Variants in ABI3BP observed in about 807,000 individuals in gnomAD.
The protein encoded by ABI3BP is ABI family member 3 binding protein.
Under a neutral mutation model 268.6 loss-of-function variants are expected in ABI3BP, and 216 were observed. The observed-to-expected ratio is 0.80, with a 90% CI of 0.72 to 0.90. The LOEUF is 0.90. ABI3BP is among the 40% of genes least tolerant of loss of function. ABI3BP has a pLI of 0.00. For missense variants in ABI3BP, 2,090 were observed against 2,182.4 expected (o/e 0.96, Z 0.84); for synonymous variants, 730 against 730.0 (o/e 1.00, Z 0.00).
intron 1 of ABI3BP, among the ~76,000 whole-genome samples, chr3:100,963,843 T>G (rs1367470697): frequency 6.6e-6 from 1 of 152,208 alleles, no homozygotes; most frequent in East Asian, 1.9e-4. Context: ...TAACCAGCCC[T>G]GAAAGTCCTC....
chr3:100,875,262 G>A (rs1022229121), intron 8 of ABI3BP, among the ~76,000 whole-genome samples: 1 of 152,184 alleles, frequency 6.6e-6, no homozygotes. Context: ...CTGTGGGGCA[G>A]GTAGGACAGG....
chr3:100,916,611 A>T (rs893663048), intron 2 of ABI3BP, among the ~76,000 whole-genome samples: 2 of 152,188 alleles, frequency 1.3e-5, no homozygotes, highest in African/African-American at 4.8e-5. Context: ...ACCCATTTCC[A>T]TAAAGCCCTT....
At chr3:100,888,255 T>C (rs1159198432) in intron 4 of ABI3BP, among the ~76,000 whole-genome samples, 3 of 152,108 alleles carry the variant, frequency 2.0e-5, no homozygotes, top group Admixed American at 1.3e-4. Flanking sequence ...TGTTATATTA[T>C]TGAATTGTAA....
intron 58 of ABI3BP, among the ~76,000 whole-genome samples, chr3:100,779,243 G>A (rs2096797290): frequency 6.6e-6 from 1 of 152,208 alleles, no homozygotes; most frequent in African/African-American, 2.4e-5. Flanking sequence ...ACTGTGAACA[G>A]TTGTGGTAGT....
intron 31 of ABI3BP, among the ~76,000 whole-genome samples, chr3:100,831,850 C>T (rs776245533): frequency 4.6e-5 from 7 of 152,164 alleles, no homozygotes; most frequent in Non-Finnish European, 1.0e-4. Flanking sequence ...GCCTCATATT[C>T]GTTTCTAACT....
At chr3:100,861,061 G>A (rs1560944422) in intron 14 of ABI3BP, among the ~76,000 whole-genome samples, 1 of 152,154 alleles carries the variant, frequency 6.6e-6, no homozygotes, top group Non-Finnish European at 1.5e-5. Context: ...GATTGCTAAA[G>A]GGGTTTTTGC....
chr3:100,754,820 G>A (rs2095530226), intron 63 of ABI3BP, 129 bp from the exon 64 acceptor site: 3 of 761,640 alleles, frequency 3.9e-6, no homozygotes, highest in South Asian at 3.5e-5. Flanking sequence ...GGTAACATAT[G>A]TTCCAGAAGC....
chr3:100,949,635 G>T (rs1453826818), intron 1 of ABI3BP, among the ~76,000 whole-genome samples: 1 of 152,054 alleles, frequency 6.6e-6, no homozygotes, highest in Non-Finnish European at 1.5e-5. Context: ...TATAAAGTTC[G>T]AGCTCAGTTT....
intron 63 of ABI3BP, among the ~76,000 whole-genome samples, chr3:100,757,317 TAAAAG>T (rs142236691): frequency 0.34 from 51,947 of 151,440 alleles, 9,516 homozygotes; most frequent in South Asian, 0.48. Context: ...GCAAAATGAA[TAAAAG>T]AAAAAGGACT....
intron 2 of ABI3BP, among the ~76,000 whole-genome samples, chr3:100,924,649 A>T (rs2061300946): frequency 6.6e-6 from 1 of 152,206 alleles, no homozygotes; most frequent in African/African-American, 2.4e-5. Flanking sequence ...AAGAATGAAC[A>T]TAATATAAAT....
rs954485847 is a variant in ABI3BP, at chr3:100,890,685, T to A, written c.462-4362A>T. 3.9e-5 allele frequency among the ~76,000 whole-genome samples: 6 copies of A among 152,178 alleles called. No individual in the cohort carries two copies. The South Asian group carries it at 1.2e-3, about 31-fold the overall frequency. ...ATGTCTCTATTTCTTTGCAATCTGT[T>A]GGCTGACCTCTTTATTATAGTAAAA... On this transcript the variant is annotated intron_variant, in intron 4 of 67. Coordinates refer to ENST00000471714, the MANE Select transcript of ABI3BP (RefSeq NM_001375547.2).
intron 6 of ABI3BP, among the ~76,000 whole-genome samples, chr3:100,883,248 A>G (rs2040316115): frequency 6.6e-6 from 1 of 152,114 alleles, no homozygotes; most frequent in African/African-American, 2.4e-5. Flanking sequence ...CTGGAGAGGG[A>G]GGGCCTTTCT....
At position 100,917,280 on chromosome 3, in the gene ABI3BP, T is replaced by TA. The variant is rs570143962; in HGVS notation, c.259+9021dup. 4.6e-5 allele frequency among the ~76,000 whole-genome samples: 7 copies of TA among 152,208 alleles called. No homozygotes were observed. The South Asian group carries it at 1.5e-3, about 32-fold the overall frequency. ...CACGACAAAAACAATTGGGGAACAA[T>TA]ACAGAAGAGTATAACCTAATGCTGG... On this transcript the variant is annotated intron_variant, in intron 2 of 67. Coordinates refer to ENST00000471714, the MANE Select transcript of ABI3BP (RefSeq NM_001375547.2).
At chr3:100,813,557 T>A (rs1578656999) in intron 45 of ABI3BP, 104 bp downstream of exon 45, 5 of 851,738 alleles carry the variant, frequency 5.9e-6, no homozygotes, top group Non-Finnish European at 9.0e-6. Flanking sequence ...GTTATTAATG[T>A]ATATTCCTTT....
chr3:100,822,298 AAT>A (rs1400185849), intron 38 of ABI3BP, among the ~76,000 whole-genome samples: 1 of 152,202 alleles, frequency 6.6e-6, no homozygotes, highest in African/African-American at 2.4e-5. Flanking sequence ...ACTTGAGCTG[AAT>A]ATGTCTAATT....
intron 1 of ABI3BP, among the ~76,000 whole-genome samples, chr3:100,934,058 G>A (rs773583067): frequency 6.6e-6 from 1 of 151,840 alleles, no homozygotes; most frequent in African/African-American, 2.4e-5. Context: ...AAGTATACAC[G>A]TGCCATGGTG....
chr3:100,775,231 C>A lies in ABI3BP; in HGVS notation c.4438G>T (p.Val1480Phe), dbSNP rs141302553. 8.1e-6 allele frequency: 13 copies of A among 1,612,424 alleles called. No homozygotes were observed. Among genetic ancestry groups the A allele is most frequent in the South Asian group, 3.3e-5 (3 of 90,594 alleles). Residue 1480 changes from valine to phenylalanine, a missense_variant, in exon 60 of 68, where the codon GTT (valine) becomes TTT (phenylalanine). Coordinates refer to ENST00000471714, the MANE Select transcript of ABI3BP (RefSeq NM_001375547.2). ...RIETDIKQPT[V>F]PASGEELENI... The stretch of plus-strand genomic sequence containing the variant: ...CCCAGTTCTTCTCCAGAGGCAGGAA[C>A]TGTTGGTTGCTTTATATCTGTCTCT...
rs190624841 is a variant in ABI3BP, at chr3:100,893,334, T to G, written c.461+5428A>C. 9.9e-5 allele frequency among the ~76,000 whole-genome samples: 15 copies of G among 152,278 alleles called. No individual in the cohort carries two copies. The East Asian group carries it at 2.9e-3, about 29-fold the overall frequency. ...TCCTCAGCTTGCAGACGGCCTGTTA[T>G]GAAACCTCAACTTGTGATTCTGTGA... On this transcript the variant is annotated intron_variant, in intron 4 of 67. Coordinates refer to ENST00000471714, the MANE Select transcript of ABI3BP (RefSeq NM_001375547.2).
chr3:100,785,453 C>A (rs1421604367), intron 57 of ABI3BP, among the ~76,000 whole-genome samples: 1 of 152,168 alleles, frequency 6.6e-6, no homozygotes, highest in Non-Finnish European at 1.5e-5. Context: ...TTTTTCCTCA[C>A]CAATTTTTGA....
Sources: gnomAD v4.1 joint callset for allele counts (sites outside exome capture counted in the v4.1 genomes callset) on GRCh38, gnomAD v4.1.1 for gene constraint, MANE v1.5 for transcripts, NCBI Gene and HGNC (gene_info 2026-07-23, HGNC 2026-07-21) for gene names.